DENND5A: variants seen among roughly 807,000 people sequenced by gnomAD.
The protein encoded by DENND5A is DENN domain-containing protein 5A.
A neutral mutation model predicts 140.3 loss-of-function variants in DENND5A; 64 were observed. The ratio of observed to expected loss-of-function variants is 0.46; its 90% CI spans 0.37 to 0.56. The LOEUF is 0.56. Among genes scored for constraint, DENND5A ranks in the 20% least tolerant of loss-of-function variants. DENND5A has a pLI of 0.00. For missense variants in DENND5A, 1,292 were observed against 1,593.8 expected, an observed-to-expected ratio of 0.81 and a Z score of 3.22; for synonymous variants, 605 against 607.7, an observed-to-expected ratio of 1.00 and a Z score of 0.07.
Position 9,139,393 on chromosome 11 carries a change from C to G in DENND5A, c.*278G>C. ...GTCCAGGGAGGCCTCAGGCTTCCAG[C>G]ATGTGGCCACGGCGAGGGAGGGCAC... On this transcript the variant is annotated 3_prime_UTR_variant, in exon 23 of 23. Coordinates refer to ENST00000328194, the MANE Select transcript of DENND5A (RefSeq NM_015213.4). 1 of 420,916 alleles carries G rather than the reference C, an allele frequency of 2.4e-6. No individual in the cohort carries two copies. Among genetic ancestry groups the G allele is most frequent in the Non-Finnish European group, 4.4e-6 (1 of 229,044 alleles). The allele number at this position is 420,916 out of a possible 1,614,324, so 26.1% of individuals were successfully genotyped here.
At chr11:9,256,391 C>T (rs916861618) in intron 1 of DENND5A, among the ~76,000 whole-genome samples, 1 of 151,696 alleles carries the variant, frequency 6.6e-6, no homozygotes, top group Non-Finnish European at 1.5e-5. Context: ...ACCTGGGAGG[C>T]GGAGGTTGCA....
chr11:9,199,936 T>A lies in DENND5A; in HGVS notation c.949+3724A>T, dbSNP rs554921328. Among the ~76,000 whole-genome samples, 334 of 152,376 alleles carry A rather than the reference T, an allele frequency of 2.2e-3. 2 individuals carry two copies. Among genetic ancestry groups the A allele is most frequent in the African/African-American group, 7.7e-3 (320 of 41,594 alleles). On this transcript the variant is annotated intron_variant, in intron 4 of 22. Coordinates refer to ENST00000328194, the MANE Select transcript of DENND5A (RefSeq NM_015213.4). Reference sequence around the variant, plus strand: ...AAAAGTAATCCACTCCACTGTGGCCTCAGCCAGGCTCAGCAATATCCAGGA... The same window carrying A: ...AAAAGTAATCCACTCCACTGTGGCCACAGCCAGGCTCAGCAATATCCAGGA...
rs760747194 is a variant in DENND5A, at chr11:9,151,553, C to G, written c.2522-789G>C. 3.3e-5 allele frequency among the ~76,000 whole-genome samples: 5 copies of G among 152,188 alleles called. No individual in the cohort carries two copies. In the South Asian group the frequency reaches 8.3e-4, roughly 25 times the overall value. ...CTAGTTCAAGGGCAACGAGTTCATGCCCATCTTTTTACCCCATTTAACTCA... is the reference window on the plus strand; with the variant it reads ...CTAGTTCAAGGGCAACGAGTTCATGGCCATCTTTTTACCCCATTTAACTCA... On this transcript the variant is annotated intron_variant, in intron 13 of 22. Transcript: ENST00000328194.
intron 1 of DENND5A, among the ~76,000 whole-genome samples, chr11:9,234,128 T>C (rs1590314777): frequency 6.6e-6 from 1 of 150,396 alleles, no homozygotes; most frequent in East Asian, 2.0e-4. Context: ...CACTGAGCCA[T>C]GATCGTGCCA....
At chr11:9,214,846 C>G (rs2136226919) in intron 1 of DENND5A, among the ~76,000 whole-genome samples, 1 of 152,330 alleles carries the variant, frequency 6.6e-6, no homozygotes, top group East Asian at 1.9e-4. Context: ...GCCTCGGCCT[C>G]CCAACTAGCT....
chr11:9,151,375 C>T (rs928159948), intron 13 of DENND5A, among the ~76,000 whole-genome samples: 14 of 152,112 alleles, frequency 9.2e-5, no homozygotes, highest in Non-Finnish European at 1.9e-4. Flanking sequence ...CAGTTTATTC[C>T]TCAGCAATGA....
At chr11:9,194,883 C>T (rs1340829127) in intron 4 of DENND5A, among the ~76,000 whole-genome samples, 1 of 150,250 alleles carries the variant, frequency 6.7e-6, no homozygotes, top group African/African-American at 2.4e-5. Context: ...CCGCACCTGG[C>T]TAATTTTGTG....
chr11:9,153,485 T>G (rs1847702556), intron 12 of DENND5A, among the ~76,000 whole-genome samples: 1 of 152,032 alleles, frequency 6.6e-6, no homozygotes, highest in South Asian at 2.1e-4. Context: ...CTCCTGAATT[T>G]CCTAAAATAT....
chr11:9,193,920 A>T (rs1233145382), intron 4 of DENND5A, among the ~76,000 whole-genome samples: 1 of 152,236 alleles, frequency 6.6e-6, no homozygotes, highest in Non-Finnish European at 1.5e-5. Context: ...TCATAATAAA[A>T]TCTAATATGG....
At chr11:9,160,226 C>A (rs1414840847) in intron 12 of DENND5A, among the ~76,000 whole-genome samples, 1 of 152,198 alleles carries the variant, frequency 6.6e-6, no homozygotes, top group Non-Finnish European at 1.5e-5. Flanking sequence ...TAAGGAAATT[C>A]TCTGGGTATT....
chr11:9,255,398 G>A (rs1401568856), intron 1 of DENND5A, among the ~76,000 whole-genome samples: 1 of 152,058 alleles, frequency 6.6e-6, no homozygotes, highest in Non-Finnish European at 1.5e-5. Context: ...AGACCTGCCT[G>A]GGCAAGATGG....
chr11:9,255,772 G>A (rs906203648), intron 1 of DENND5A, among the ~76,000 whole-genome samples: 6 of 152,014 alleles, frequency 3.9e-5, no homozygotes, highest in African/African-American at 4.8e-5. Context: ...GGCCAAGGCA[G>A]GATAATTGCT....
intron 1 of DENND5A, among the ~76,000 whole-genome samples, chr11:9,216,608 A>G (rs1172345293): frequency 6.6e-6 from 1 of 152,220 alleles, no homozygotes; most frequent in Admixed American, 6.5e-5. Context: ...CAGGAGGACT[A>G]ACCGAAAGCC....
Position 9,152,430 on chromosome 11 carries a change from A to C in DENND5A, c.2449T>G (p.Leu817Val). 3.1e-6 allele frequency: 5 copies of C among 1,613,592 alleles called. No individual in the cohort carries two copies. Among genetic ancestry groups the C allele is most frequent in the Non-Finnish European group, 4.2e-6 (5 of 1,179,492 alleles). Residue 817 changes from leucine (L) to valine (V), a missense_variant, in exon 13 of 23, where the codon TTA (leucine) becomes GTA (valine). Physicochemically the swap from Leu to Val is conservative, Grantham distance 32 (BLOSUM62 1). Coordinates refer to ENST00000328194, the MANE Select transcript of DENND5A (RefSeq NM_015213.4). Reference protein sequence around the residue: ...GLQVKQGKSALWSHLLHYQDN... With the variant: ...GLQVKQGKSAVWSHLLHYQDN... ...TGATAATGTAACAGGTGGGACCATA[A>C]GGCTGATTTCCCCTGGAACCAATGC...
intron 1 of DENND5A, among the ~76,000 whole-genome samples, chr11:9,220,195 T>G (rs12286621): frequency 0.2 from 30,514 of 152,188 alleles, 3,171 homozygotes; most frequent in African/African-American, 0.23. Flanking sequence ...TAAACGCCTG[T>G]GGCATAACTT....
At chr11:9,249,558 A>AT (rs991795343) in intron 1 of DENND5A, among the ~76,000 whole-genome samples, 1 of 151,506 alleles carries the variant, frequency 6.6e-6, no homozygotes, top group Non-Finnish European at 1.5e-5. Context: ...ATTTTATTGT[A>AT]TTTTTTTGAG....
intron 1 of DENND5A, among the ~76,000 whole-genome samples, chr11:9,229,022 G>A (rs1014269853): frequency 2.0e-5 from 3 of 152,184 alleles, no homozygotes; most frequent in East Asian, 1.9e-4. Context: ...ACAGACGGGC[G>A]GCAATCTGGG....
intron 1 of DENND5A, among the ~76,000 whole-genome samples, chr11:9,234,313 TC>T (rs34596790): frequency 1.6e-3 from 235 of 143,278 alleles, no homozygotes; most frequent in African/African-American, 4.7e-3. Flanking sequence ...TTCCCACCGA[TC>T]CCCCCCCCAA....
Position 9,265,075 on chromosome 11 carries a change from C to T in DENND5A, c.-6G>A, listed in dbSNP as rs1202705927. ...CCGCCGCCGCCGCCACTCATGGCGC[C>T]GGGGCCGAGACCGGCCGGGCAGTGC... On this transcript the variant is annotated 5_prime_UTR_variant, in exon 1 of 23. Coordinates refer to ENST00000328194, the MANE Select transcript of DENND5A (RefSeq NM_015213.4). The surrounding 1 kb of genome is among the most constrained non-coding windows in gnomAD (Gnocchi z 4.7). 3 of 1,519,846 alleles carry T rather than the reference C, an allele frequency of 2.0e-6. No homozygotes were observed. The highest frequency in any genetic ancestry group is 1.8e-6 in the Non-Finnish European group (2 of 1,134,448). 94.1% of individuals were successfully genotyped at this position (1,519,846 alleles called of 1,614,324 possible). A position where few individuals can be genotyped will look rare whatever the true frequency, so the allele number is the denominator to read the frequency against.
Sources: gnomAD v4.1 joint callset for allele counts (sites outside exome capture counted in the v4.1 genomes callset) on GRCh38, gnomAD v4.1.1 for gene constraint, Gnocchi (gnomAD v3.1) non-coding constraint, MANE v1.5 for transcripts, NCBI Gene and HGNC (gene_info 2026-07-23, HGNC 2026-07-21) for gene names.